Variants in THSD7A observed in about 807,000 individuals in gnomAD.
THSD7A encodes the protein thrombospondin type 1 domain containing 7A.
Under a neutral mutation model 231.3 loss-of-function variants are expected in THSD7A, and 96 were observed. The ratio of observed to expected loss-of-function variants is 0.41; its 90% CI spans 0.35 to 0.49. THSD7A has a LOEUF of 0.49. Ranked by LOEUF, THSD7A falls within the 20% of genes least tolerant of loss-of-function variation. The pLI, the probability that THSD7A is intolerant of heterozygous loss-of-function variation, is 0.05. For missense variants in THSD7A, 2,290 were observed against 2,070.2 expected, an observed-to-expected ratio of 1.11 and a Z score of -2.06; for synonymous variants, 940 against 743.3, an observed-to-expected ratio of 1.26 and a Z score of -4.30.
intron 1 of THSD7A, among the ~76,000 whole-genome samples, chr7:11,796,913 G>C (rs1784140896): frequency 6.6e-6 from 1 of 151,922 alleles, no homozygotes; most frequent in Non-Finnish European, 1.5e-5. Flanking sequence ...ATAGCACTGT[G>C]GAATTTCCGC....
At chr7:11,422,383 G>A (rs6951278) in intron 16 of THSD7A, among the ~76,000 whole-genome samples, 8,845 of 152,072 alleles carry the variant, frequency 0.058, 500 homozygotes, top group African/African-American at 0.15. Context: ...ATTCAAGCAG[G>A]ACATTTTGAC....
At chr7:11,675,691 A>G (rs112954564) in intron 1 of THSD7A, among the ~76,000 whole-genome samples, 30 of 152,314 alleles carry the variant, frequency 2.0e-4, no homozygotes, top group Non-Finnish European at 3.4e-4. Flanking sequence ...CTGCAAAGCC[A>G]TGGTAGCCAG....
At chr7:11,416,589 C>A (rs2115395729) in intron 17 of THSD7A, among the ~76,000 whole-genome samples, 1 of 152,302 alleles carries the variant, frequency 6.6e-6, no homozygotes, top group Admixed American at 6.5e-5. Flanking sequence ...GTATGTTTAA[C>A]ACTGAAATGG....
In THSD7A at chr7:11,820,738, A is replaced by G; in HGVS notation, c.190+11019T>C. ...TCTCCTCTCTTTTCTCTGTCTCTTC[A>G]GTGTACTCTTCTGCTTTGTAGGAGT... On this transcript the variant is annotated intron_variant, in intron 1 of 27. Coordinates refer to ENST00000423059, the MANE Select transcript of THSD7A (RefSeq NM_015204.3). The G allele has an allele frequency of 5.1e-6, 6 of 1,185,642 alleles. No individual in the cohort carries two copies. In the Admixed American group the frequency reaches 6.8e-5, roughly 13 times the overall value. 73.4% of individuals were successfully genotyped at this position (1,185,642 alleles called of 1,614,324 possible).
chr7:11,719,051 C>CGTGT (rs201019231), intron 1 of THSD7A, among the ~76,000 whole-genome samples: 1 of 150,900 alleles, frequency 6.6e-6, no homozygotes, highest in Non-Finnish European at 1.5e-5. Flanking sequence ...TAAGCAATAT[C>CGTGT]GTGTGTGTGT....
intron 1 of THSD7A, among the ~76,000 whole-genome samples, chr7:11,704,316 T>A (rs1051889717): frequency 1.3e-5 from 2 of 151,076 alleles, no homozygotes; most frequent in African/African-American, 4.8e-5. Flanking sequence ...TATTAAAACA[T>A]AATAGATAAT....
At chr7:11,565,766 CA>C (rs1790286993) in intron 4 of THSD7A, among the ~76,000 whole-genome samples, 1 of 152,124 alleles carries the variant, frequency 6.6e-6, no homozygotes, top group African/African-American at 2.4e-5. Context: ...TTTAGTTGAT[CA>C]GAGTCCTTTG....
At chr7:11,404,415 C>G (rs1783513809) in intron 22 of THSD7A, among the ~76,000 whole-genome samples, 1 of 152,168 alleles carries the variant, frequency 6.6e-6, no homozygotes, top group Non-Finnish European at 1.5e-5. Context: ...CACAACAATC[C>G]TATTACTGGT....
At chr7:11,544,515 T>C (rs25) in intron 4 of THSD7A, among the ~76,000 whole-genome samples, 76,014 of 151,990 alleles carry the variant, frequency 0.5, 19,248 homozygotes, top group Admixed American at 0.61. Context: ...TCCAATTGCA[T>C]AGGATTGCAT....
chr7:11,820,758 A>G (rs1784851231), intron 1 of THSD7A: 3 of 1,212,086 alleles, frequency 2.5e-6, no homozygotes, highest in Non-Finnish European at 3.7e-6. Context: ...TCTGCTTTGT[A>G]GGAGTGAGAT....
chr7:11,617,669 A>T (rs73290881), intron 2 of THSD7A, among the ~76,000 whole-genome samples: 2,625 of 152,304 alleles, frequency 0.017, 76 homozygotes, highest in African/African-American at 0.06. Flanking sequence ...GTTACGTTAG[A>T]TTTACCTTTT....
At position 11,590,656 on chromosome 7, in the gene THSD7A, C is replaced by T; in HGVS notation, c.1272-15G>A. On this transcript the variant is annotated splice_polypyrimidine_tract_variant and intron_variant, in intron 3 of 27. Transcript: ENST00000423059. The surrounding 1 kb of genome is among the most constrained non-coding windows in gnomAD (Gnocchi z 4.4). ...TCCAGCCATACCTAAATAAAGACAA[C>T]ACCACCAGCAGCAACCATAATTATT... The T allele has an allele frequency of 6.3e-7, 1 of 1,586,340 alleles. No homozygotes were observed. Among genetic ancestry groups the T allele is most frequent in the South Asian group, 1.1e-5 (1 of 87,280 alleles).
chr7:11,595,230 C>G (rs1780317226), intron 2 of THSD7A, among the ~76,000 whole-genome samples: 1 of 152,148 alleles, frequency 6.6e-6, no homozygotes. Flanking sequence ...TGGCAGGCCC[C>G]TAGAGGTGGG....
chr7:11,471,401 A>G (rs759776666), intron 8 of THSD7A, among the ~76,000 whole-genome samples: 20 of 152,144 alleles, frequency 1.3e-4, no homozygotes, highest in Middle Eastern at 3.4e-3. Context: ...GTGAACTACG[A>G]GTGAAAAAAG....
intron 2 of THSD7A, among the ~76,000 whole-genome samples, chr7:11,609,325 C>G (rs140023215): frequency 6.6e-6 from 1 of 152,152 alleles, no homozygotes; most frequent in Non-Finnish European, 1.5e-5. Flanking sequence ...CTTTAAAAAG[C>G]CTGCCCCGGC....
At chr7:11,709,833 A>G (rs1191405282) in intron 1 of THSD7A, among the ~76,000 whole-genome samples, 2 of 150,874 alleles carry the variant, frequency 1.3e-5, no homozygotes, top group Non-Finnish European at 3.0e-5. Flanking sequence ...CCTGCCAGTT[A>G]AAGCCTGCTA....
intron 4 of THSD7A, among the ~76,000 whole-genome samples, chr7:11,552,280 T>C (rs532707231): frequency 6.6e-6 from 1 of 152,104 alleles, no homozygotes; most frequent in South Asian, 2.1e-4. Flanking sequence ...TTTACCCATG[T>C]AACAAACCTG....
At chr7:11,669,499 A>G (rs1357009369) in intron 1 of THSD7A, among the ~76,000 whole-genome samples, 1 of 151,966 alleles carries the variant, frequency 6.6e-6, no homozygotes, top group Non-Finnish European at 1.5e-5. Context: ...TTAAGAGTGC[A>G]TAAAGTGTGA....
At chr7:11,510,197 A>G (rs1308594472) in intron 6 of THSD7A, among the ~76,000 whole-genome samples, 2 of 152,198 alleles carry the variant, frequency 1.3e-5, no homozygotes, top group African/African-American at 2.4e-5. Context: ...ATTCCTGGAC[A>G]CAAACACCCT....
Sources: allele counts gnomAD v4.1 joint callset (sites outside exome capture counted in the v4.1 genomes callset), GRCh38; gene constraint gnomAD v4.1.1; non-coding constraint Gnocchi (gnomAD v3.1); transcripts MANE v1.5; gene names NCBI Gene and HGNC (gene_info 2026-07-23, HGNC 2026-07-21).